HERC2: variants seen among roughly 807,000 people sequenced by gnomAD.
HERC2 encodes HECT and RLD domain containing E3 ubiquitin protein ligase 2, also known as E3 ubiquitin-protein ligase HERC2.
In HERC2, 102 loss-of-function variants were observed where a neutral mutation model predicts 537.7. The observed-to-expected ratio is 0.19, with a 90% CI of 0.16 to 0.22. The LOEUF is 0.22. Ranked by LOEUF, HERC2 falls within the 10% of genes least tolerant of loss-of-function variation. HERC2 has a pLI of 1.00. For missense variants in HERC2, 4,236 were observed against 6,198.2 expected (o/e 0.68, Z 10.63); for synonymous variants, 2,224 against 2,466.2 (o/e 0.90, Z 2.91).
Position 28,152,708 on chromosome 15 carries a change from G to A in HERC2, c.10869C>T (p.Asp3623=). ...VVESSHPYTD[D]TSTSGTVKIP... ...TCTTCACTGTGCCACTGGTGGAGGT[G>A]TCGTCGGTGTAAGGGTGGCTACTCT... The change falls in exon 70 of 93, where the codon GAC becomes GAT. Residue 3623 remains aspartate (D), a synonymous_variant. Coordinates refer to ENST00000261609, the MANE Select transcript of HERC2 (RefSeq NM_004667.6). 1.9e-6 allele frequency: 3 copies of A among 1,551,326 alleles called. No individual in the cohort carries two copies. The highest frequency in any genetic ancestry group is 1.2e-5 in the South Asian group (1 of 83,938).
At chr15:28,188,360 G>A (rs918097768) in intron 55 of HERC2, among the ~76,000 whole-genome samples, 3 of 152,088 alleles carry the variant, frequency 2.0e-5, no homozygotes, top group Non-Finnish European at 4.4e-5. Context: ...CGCTAACGGT[G>A]AAACCCCGTC....
intron 25 of HERC2, among the ~76,000 whole-genome samples, chr15:28,237,740 G>A (rs866229023): frequency 4.6e-5 from 7 of 152,156 alleles, no homozygotes; most frequent in African/African-American, 1.7e-4. Flanking sequence ...TGAATACATA[G>A]GAAGGACATA....
chr15:28,193,017 C>T (rs1896996410), intron 52 of HERC2, among the ~76,000 whole-genome samples: 2 of 152,042 alleles, frequency 1.3e-5, no homozygotes, highest in Non-Finnish European at 2.9e-5. Context: ...TAGTCACTAA[C>T]CTTTACCAAG....
chr15:28,144,345 A>C, intron 72 of HERC2, 110 bp from the exon 73 acceptor site: 1 of 1,161,256 alleles, frequency 8.6e-7, no homozygotes, highest in Non-Finnish European at 1.2e-6. Flanking sequence ...ACCAGAAGGC[A>C]ACAGCTGGTG....
In HERC2 at chr15:28,113,504, C is replaced by A; in HGVS notation, c.14019+69G>T. Reference sequence around the variant, plus strand: ...CAGGGCAAGGTTCTGACTCTAACTGCTGTCACTGATTTGTGGGTCAGCAGG... The same window carrying A: ...CAGGGCAAGGTTCTGACTCTAACTGATGTCACTGATTTGTGGGTCAGCAGG... On this transcript the variant is annotated intron_variant, in intron 91 of 92. Transcript: ENST00000261609. The surrounding 1 kb of genome is among the most constrained non-coding windows in gnomAD (Gnocchi z 7.0). 1 of 1,351,416 alleles carries A rather than the reference C, an allele frequency of 7.4e-7. No individual in the cohort carries two copies. The highest frequency in any genetic ancestry group is 1.7e-5 in the Admixed American group (1 of 58,868). 83.7% of individuals were successfully genotyped at this position (1,351,416 alleles called of 1,614,324 possible).
At chr15:28,316,253 T>C (rs567179620) in intron 2 of HERC2, among the ~76,000 whole-genome samples, 5 of 140,942 alleles carry the variant, frequency 3.5e-5, no homozygotes, top group African/African-American at 1.2e-4. Context: ...AAAAAGGAAT[T>C]GTCATCAAAG....
In HERC2 at chr15:28,142,266, G is replaced by A. The variant is rs1384957027; in HGVS notation, c.11672C>T (p.Thr3891Ile). 9 of 1,614,108 alleles carry A rather than the reference G, an allele frequency of 5.6e-6. No individual in the cohort carries two copies. The highest frequency in any genetic ancestry group is 2.2e-5 in the East Asian group (1 of 44,902). ...SRVAVALDKR[T>I]PLPRLFLDEV... Reference sequence around the variant, plus strand: ...ATCAAGAAACAGACGGGGCAACGGTGTTCTTTTGTCAAGGGCCACAGCAAC... The same window carrying A: ...ATCAAGAAACAGACGGGGCAACGGTATTCTTTTGTCAAGGGCCACAGCAAC... The change falls in exon 76 of 93, where the codon ACA becomes ATA. Residue 3891 changes from threonine to isoleucine, a missense_variant. Coordinates refer to ENST00000261609, the MANE Select transcript of HERC2 (RefSeq NM_004667.6).
intron 34 of HERC2, 129 bp downstream of exon 34, chr15:28,229,066 G>C: frequency 1.1e-6 from 1 of 893,972 alleles, no homozygotes; most frequent in Non-Finnish European, 1.9e-6. Context: ...CAGCAGCATA[G>C]ATTATACAAG....
intron 20 of HERC2, among the ~76,000 whole-genome samples, chr15:28,252,401 C>T (rs1307177049): frequency 2.0e-5 from 3 of 152,116 alleles, no homozygotes; most frequent in Admixed American, 6.5e-5. Context: ...ACCAATAGCC[C>T]ATGAAGCAGC....
chr15:28,308,396 T>C (rs2076850719), intron 2 of HERC2, among the ~76,000 whole-genome samples: 1 of 152,268 alleles, frequency 6.6e-6, no homozygotes, highest in South Asian at 2.1e-4. Context: ...TTTTTGTATG[T>C]TGATTTCGTA....
intron 56 of HERC2, among the ~76,000 whole-genome samples, chr15:28,185,036 C>T (rs1896171713): frequency 7.2e-6 from 1 of 138,694 alleles, no homozygotes; most frequent in Non-Finnish European, 1.6e-5. Flanking sequence ...TAATTAATAT[C>T]TACAGATGCA....
intron 48 of HERC2, 150 bp from the exon 49 acceptor site, chr15:28,198,919 G>A: frequency 1.4e-6 from 1 of 710,192 alleles, no homozygotes; most frequent in South Asian, 2.3e-5. Context: ...AGGCTGAGGT[G>A]GGAGGATCAC....
At chr15:28,189,959 A>C (rs1368927527) in intron 55 of HERC2, among the ~76,000 whole-genome samples, 1 of 151,946 alleles carries the variant, frequency 6.6e-6, no homozygotes, top group Non-Finnish European at 1.5e-5. Context: ...TAATTAGTCT[A>C]CACCAGACAA....
In HERC2 at chr15:28,268,577, C is replaced by T. The variant is rs779342550; in HGVS notation, c.1486G>A (p.Val496Ile). The T allele has an allele frequency of 6.2e-7, 1 of 1,614,120 alleles. No homozygotes were observed. The highest frequency in any genetic ancestry group is 1.7e-5 in the Admixed American group (1 of 60,020). ...LVQGLASRNI[V>I]KIAAHSDGHH... Reference sequence around the variant, plus strand: ...CCATCAGAATGGGCAGCAATTTTTACAATGTTTCTGGAGGCAAGGCCTTGG... The same window carrying T: ...CCATCAGAATGGGCAGCAATTTTTATAATGTTTCTGGAGGCAAGGCCTTGG... The change falls in exon 12 of 93, where the codon GTA becomes ATA. Residue 496 changes from valine (V) to isoleucine (I), a missense_variant. Coordinates refer to ENST00000261609, the MANE Select transcript of HERC2 (RefSeq NM_004667.6). This position sits in a 1 kb window ranked among gnomAD's most constrained non-coding sequence, Gnocchi z 4.7.
intron 40 of HERC2, among the ~76,000 whole-genome samples, 169 bp from the exon 41 acceptor site, chr15:28,214,441 A>G (rs546709968): frequency 6.7e-6 from 1 of 149,164 alleles, no homozygotes; most frequent in African/African-American, 2.5e-5. Flanking sequence ...GCTCTTCACC[A>G]GGGCACAGGG....
In HERC2 at chr15:28,141,560, C is replaced by A; in HGVS notation, c.11887G>T (p.Gly3963Cys). 6.2e-7 allele frequency: 1 copy of A among 1,614,132 alleles called. No homozygotes were observed. ...TIYGWGHNHR[G>C]QLGGIEGAKV... ...GCGCCTTCAATGCCCCCGAGCTGGC[C>A]CCTGTGATTATGTCCCCATCCATAA... Residue 3963 changes from glycine to cysteine, a missense_variant, in exon 78 of 93, where the codon GGC (glycine) becomes TGC (cysteine). Gly to Cys is a radical substitution (Grantham distance 159). Coordinates refer to ENST00000261609, the MANE Select transcript of HERC2 (RefSeq NM_004667.6).
At chr15:28,321,073 G>A (rs886406029) in intron 2 of HERC2, among the ~76,000 whole-genome samples, 8 of 152,172 alleles carry the variant, frequency 5.3e-5, no homozygotes, top group African/African-American at 1.9e-4. Context: ...ATATGGTTAG[G>A]AGTGTGGCAG....
chr15:28,130,982 G>A (rs779011620), intron 81 of HERC2, among the ~76,000 whole-genome samples: 4 of 152,138 alleles, frequency 2.6e-5, no homozygotes, highest in Non-Finnish European at 5.9e-5. Flanking sequence ...AGAGGCCCGC[G>A]GGGGAGGAGC....
chr15:28,321,686 C>G (rs1418713205), intron 1 of HERC2, among the ~76,000 whole-genome samples: 1 of 122,302 alleles, frequency 8.2e-6, no homozygotes, highest in Non-Finnish European at 1.6e-5. Context: ...TGCCGAGTTT[C>G]TGCACCACGC....
Sources: gnomAD v4.1 joint callset for allele counts (sites outside exome capture counted in the v4.1 genomes callset) on GRCh38, gnomAD v4.1.1 for gene constraint, Gnocchi (gnomAD v3.1) non-coding constraint, MANE v1.5 for transcripts, NCBI Gene and HGNC (gene_info 2026-07-23, HGNC 2026-07-21) for gene names.